Variants in TLK1 observed in about 807,000 individuals in gnomAD.
The protein encoded by TLK1 is serine/threonine-protein kinase tousled-like 1.
A neutral mutation model predicts 105.3 loss-of-function variants in TLK1; 24 were observed. The ratio of observed to expected loss-of-function variants is 0.23; its 90% CI spans 0.17 to 0.32. TLK1 has a LOEUF of 0.32. Ranked by LOEUF, TLK1 falls within the 10% of genes least tolerant of loss-of-function variation. The probability of loss-of-function intolerance (pLI) is 1.00; values close to 1 mark genes in which losing one functional copy is unlikely to be tolerated. For synonymous variants in TLK1, 321 were observed against 310.4 expected (o/e 1.03, Z -0.36); for missense variants, 558 against 910.5 (o/e 0.61, Z 4.98).
At chr2:171,198,318 CAATT>C (rs1693316231) in intron 1 of TLK1, among the ~76,000 whole-genome samples, 1 of 151,988 alleles carries the variant, frequency 6.6e-6, no homozygotes, top group African/African-American at 2.4e-5. Context: ...TGTGTCAGCG[CAATT>C]AATTATAGCA....
At chr2:171,107,988 C>T (rs1160588309) in intron 2 of TLK1, among the ~76,000 whole-genome samples, 1 of 151,138 alleles carries the variant, frequency 6.6e-6, no homozygotes, top group Non-Finnish European at 1.5e-5. Flanking sequence ...GCCTAGGAGG[C>T]AGAGGCTGCA....
rs1398696682 is a variant in TLK1 at position 171,010,643 on chromosome 2, A to AGGC, written c.1416+729_1416+730insGCC. 5.7e-4 allele frequency among the ~76,000 whole-genome samples: 85 copies of AGGC among 148,422 alleles called. 3 individuals are homozygous for AGGC. Among genetic ancestry groups the AGGC allele is most frequent in the Admixed American group, 1.4e-3 (21 of 15,068 alleles). On this transcript the variant is annotated intron_variant, in intron 14 of 20. Coordinates refer to ENST00000431350, the MANE Select transcript of TLK1 (RefSeq NM_012290.5). ...TAAAGTACAAAAAAAAAAAAAAAGA[A>AGGC]AGGCATAAAATAGTGAACATGGGGA...
At chr2:171,195,034 T>C (rs968215093) in intron 1 of TLK1, among the ~76,000 whole-genome samples, 4 of 152,072 alleles carry the variant, frequency 2.6e-5, no homozygotes, top group Non-Finnish European at 4.4e-5. Context: ...GCTGGCAAGT[T>C]GAAGTCAGCA....
chr2:171,083,340 A>C (rs1014717216), intron 2 of TLK1, among the ~76,000 whole-genome samples: 5 of 152,196 alleles, frequency 3.3e-5, no homozygotes, highest in East Asian at 1.9e-4. Context: ...TTTTAACTCT[A>C]TCTCTTCAAA....
At chr2:171,143,130 AAG>A (rs1691651692) in intron 1 of TLK1, among the ~76,000 whole-genome samples, 1 of 152,248 alleles carries the variant, frequency 6.6e-6, no homozygotes, top group African/African-American at 2.4e-5. Flanking sequence ...CGAATGGACA[AAG>A]GGGTCAGTAG....
At chr2:171,064,310 C>A (rs1280862950) in intron 3 of TLK1, among the ~76,000 whole-genome samples, 1 of 151,972 alleles carries the variant, frequency 6.6e-6, no homozygotes, top group Non-Finnish European at 1.5e-5. Context: ...TTACCTCTAC[C>A]CTGAATCTGC....
chr2:171,145,315 G>A (rs555552872), intron 1 of TLK1, among the ~76,000 whole-genome samples: 7 of 151,336 alleles, frequency 4.6e-5, no homozygotes, highest in Admixed American at 4.0e-4. Flanking sequence ...AAAAAGGCCG[G>A]GCACAGTGGT....
chr2:171,016,906 TAAATTC>T (rs1685239639), intron 12 of TLK1, among the ~76,000 whole-genome samples: 1 of 152,152 alleles, frequency 6.6e-6, no homozygotes, highest in African/African-American at 2.4e-5. Context: ...AATTTCAAAA[TAAATTC>T]AAATGAAGAT....
chr2:171,045,732 C>T (rs1279816929), intron 11 of TLK1: 1 of 153,124 alleles, frequency 6.5e-6, no homozygotes, highest in Non-Finnish European at 1.5e-5. Flanking sequence ...CAAAGAAAAT[C>T]CAGAAAACAA....
chr2:171,116,601 G>A (rs1690439974), intron 2 of TLK1, among the ~76,000 whole-genome samples: 1 of 151,986 alleles, frequency 6.6e-6, no homozygotes, highest in African/African-American at 2.4e-5. Flanking sequence ...TTGGGAGGCT[G>A]AGGCAGGAGA....
At chr2:171,100,554 C>T (rs935628616) in intron 2 of TLK1, among the ~76,000 whole-genome samples, 3 of 152,116 alleles carry the variant, frequency 2.0e-5, no homozygotes, top group African/African-American at 7.2e-5. Context: ...CCTTGAACCT[C>T]GCAGCCTGCA....
In TLK1 at chr2:171,014,962, G is replaced by C. The variant is rs750420221; in HGVS notation, c.1237-14C>G. On this transcript the variant is annotated splice_polypyrimidine_tract_variant and intron_variant, in intron 12 of 20. Transcript: ENST00000431350. ...TTCTGCCTCTTCCTGAAAATGAAGA[G>C]AGGGGACTATAACAAGCTCAATTTA... The C allele has an allele frequency of 1.3e-6, 2 of 1,589,596 alleles. No individual in the cohort carries two copies. Among genetic ancestry groups the C allele is most frequent in the Non-Finnish European group, 1.7e-6 (2 of 1,158,198 alleles).
At chr2:171,137,675 C>A (rs957296365) in intron 1 of TLK1, among the ~76,000 whole-genome samples, 2 of 151,876 alleles carry the variant, frequency 1.3e-5, no homozygotes, top group African/African-American at 4.8e-5. Context: ...ATGGTGAAAC[C>A]CCGTCTCTAC....
intron 1 of TLK1, among the ~76,000 whole-genome samples, chr2:171,142,146 T>C (rs1394341800): frequency 7.0e-6 from 1 of 143,604 alleles, no homozygotes; most frequent in African/African-American, 2.5e-5. Flanking sequence ...AAAACAAATT[T>C]AAAAAAAGAT....
intron 1 of TLK1, among the ~76,000 whole-genome samples, chr2:171,166,813 G>A (rs1286149733): frequency 6.6e-6 from 1 of 152,090 alleles, no homozygotes; most frequent in Non-Finnish European, 1.5e-5. Context: ...TCAAAACCTG[G>A]AAATTACCCA....
rs1195835821 is a variant in TLK1 at position 170,997,878 on chromosome 2, ATCT to A, written c.1905-58_1905-56del. ...TACTACTGACAATCTGTAACTTAAA[ATCT>A]TCTAAGTGTAAAATCTTAGAACACG... On this transcript the variant is annotated intron_variant, in intron 18 of 20. Coordinates refer to ENST00000431350, the MANE Select transcript of TLK1 (RefSeq NM_012290.5). 1.4e-5 allele frequency: 15 copies of A among 1,085,118 alleles called. No individual in the cohort carries two copies. The South Asian group carries it at 2.1e-4, about 16-fold the overall frequency. The allele number at this position is 1,085,118 out of a possible 1,614,324, so 67.2% of individuals were successfully genotyped here.
intron 1 of TLK1, among the ~76,000 whole-genome samples, chr2:171,205,409 A>T (rs1299064355): frequency 6.6e-6 from 1 of 151,562 alleles, no homozygotes; most frequent in African/African-American, 2.4e-5. Flanking sequence ...TGCAGCCTTG[A>T]CTACCCAGGC....
At chr2:171,129,883 A>AACATAACATG (rs1382237728) in intron 1 of TLK1, among the ~76,000 whole-genome samples, 1 of 148,450 alleles carries the variant, frequency 6.7e-6, no homozygotes, top group Non-Finnish European at 1.5e-5. Context: ...AACATAACAT[A>AACATAACATG]ACATGGGTAA....
intron 1 of TLK1, among the ~76,000 whole-genome samples, chr2:171,124,775 T>G (rs1302923943): frequency 2.0e-5 from 3 of 152,224 alleles, no homozygotes; most frequent in Non-Finnish European, 4.4e-5. Flanking sequence ...CTTCAGATTG[T>G]ACTTAGTGTT....
Sources: allele counts gnomAD v4.1 joint callset (sites outside exome capture counted in the v4.1 genomes callset), GRCh38; gene constraint gnomAD v4.1.1; transcripts MANE v1.5; gene names NCBI Gene and HGNC (gene_info 2026-07-23, HGNC 2026-07-21).